The following STXBP5 variants were observed in gnomAD, a reference collection of about 807,000 sequenced individuals.
The protein encoded by STXBP5 is syntaxin binding protein 5.
A neutral mutation model predicts 152.4 loss-of-function variants in STXBP5; 50 were observed. The ratio of observed to expected loss-of-function variants is 0.33; its 90% confidence interval spans 0.26 to 0.42. The LOEUF (loss-of-function observed/expected upper bound fraction) is 0.42, where lower values mean the gene tolerates loss of function less well. STXBP5 is among the 10% of genes least tolerant of loss of function. The probability of loss-of-function intolerance (pLI) is 1.00; values close to 1 mark genes in which losing one functional copy is unlikely to be tolerated. For synonymous variants in STXBP5, 492 were observed against 494.7 expected (o/e 0.99, Z 0.07); for missense variants, 1,167 against 1,388.6 (o/e 0.84, Z 2.54).
intron 9 of STXBP5, among the ~76,000 whole-genome samples, chr6:147,309,120 CA>C (rs1342798701): frequency 6.6e-6 from 1 of 151,904 alleles, no homozygotes; most frequent in East Asian, 1.9e-4. Context: ...CACTTTTAAC[CA>C]TTAGATATTA....
intron 16 of STXBP5, among the ~76,000 whole-genome samples, chr6:147,319,873 G>A (rs140254339): frequency 5.5e-4 from 66 of 121,068 alleles, no homozygotes; most frequent in African/African-American, 2.0e-3. Context: ...ACAGGGTCTC[G>A]CTCTGTTGCC....
At chr6:147,261,726 A>C (rs887716375) in intron 5 of STXBP5, among the ~76,000 whole-genome samples, 8 of 152,006 alleles carry the variant, frequency 5.3e-5, no homozygotes, top group Non-Finnish European at 1.0e-4. Flanking sequence ...ATAGTTTCAC[A>C]GATGGCTCTC....
chr6:147,320,258 T>A lies in STXBP5; in HGVS notation c.1802+3851T>A, dbSNP rs139002341. On this transcript the variant is annotated intron_variant, in intron 16 of 27. Transcript: ENST00000321680. The stretch of plus-strand genomic sequence containing the variant: ...CACAAGAGCCAGGTAGGTTTCCTGG[T>A]ACTGACTGACCTGTATACAGAGATA... Among the ~76,000 whole-genome samples the A allele has an allele frequency of 2.6e-3, 391 of 152,278 alleles. 3 individuals are homozygous for A. The highest frequency in any genetic ancestry group is 8.8e-3 in the African/African-American group (365 of 41,560).
chr6:147,326,077 G>A (rs1582948027), intron 17 of STXBP5, among the ~76,000 whole-genome samples: 1 of 152,134 alleles, frequency 6.6e-6, no homozygotes, highest in Non-Finnish European at 1.5e-5. Flanking sequence ...TTTAGTATCT[G>A]TGGGGGTCCT....
chr6:147,335,347 C>T (rs1455503762), intron 19 of STXBP5, among the ~76,000 whole-genome samples: 1 of 152,090 alleles, frequency 6.6e-6, no homozygotes, highest in Non-Finnish European at 1.5e-5. Flanking sequence ...TTCTTACTTT[C>T]CTTCTAACTA....
chr6:147,379,119 A>C (rs1008753229), intron 26 of STXBP5, among the ~76,000 whole-genome samples: 2 of 149,906 alleles, frequency 1.3e-5, no homozygotes, highest in African/African-American at 4.9e-5. Context: ...AAAAAAAAAA[A>C]CTCTTTGCTT....
intron 18 of STXBP5, 104 bp from the exon 19 acceptor site, chr6:147,334,053 G>T (rs1303050446): frequency 9.2e-7 from 1 of 1,083,892 alleles, no homozygotes; most frequent in Non-Finnish European, 1.3e-6. Context: ...TAATTTATTG[G>T]GTTCTTTTAA....
intron 2 of STXBP5, among the ~76,000 whole-genome samples, chr6:147,230,781 G>A (rs745959343): frequency 6.6e-6 from 1 of 151,798 alleles, no homozygotes; most frequent in Non-Finnish European, 1.5e-5. Flanking sequence ...TACTAACTAG[G>A]TGAGTGGCCT....
intron 21 of STXBP5, 114 bp downstream of exon 21, chr6:147,339,498 A>T (rs1396242847): frequency 2.7e-6 from 2 of 750,496 alleles, no homozygotes; most frequent in East Asian, 3.3e-5. Context: ...TTCCTATGCT[A>T]AAAAAATAAT....
Position 147,353,309 on chromosome 6 carries a change from CTT to C in STXBP5, c.2255-11_2255-10del, listed in dbSNP as rs1240333708. 15 of 1,559,498 alleles carry C rather than the reference CTT, an allele frequency of 9.6e-6. No homozygotes were observed. Among genetic ancestry groups the C allele is most frequent in the Admixed American group, 1.8e-5 (1 of 55,356 alleles). ...ATATTCTTCAGAATTTTAAAAATGT[CTT>C]TTATTTTTCAGCAAAGATGTCAAGG... On this transcript the variant is annotated splice_polypyrimidine_tract_variant and intron_variant, in intron 21 of 27. Coordinates refer to ENST00000321680, the MANE Select transcript of STXBP5 (RefSeq NM_001127715.4).
intron 9 of STXBP5, among the ~76,000 whole-genome samples, chr6:147,306,753 G>A (rs1782115884): frequency 6.6e-6 from 1 of 152,138 alleles, no homozygotes; most frequent in African/African-American, 2.4e-5. Context: ...CACAAACCCA[G>A]TTCTTTGAAT....
chr6:147,287,462 A>C (rs1781039073), intron 8 of STXBP5, among the ~76,000 whole-genome samples: 1 of 152,056 alleles, frequency 6.6e-6, no homozygotes, highest in Non-Finnish European at 1.5e-5. Context: ...TCGGCCTCCC[A>C]AAGTGCTGGG....
chr6:147,347,064 G>A lies in STXBP5; in HGVS notation c.2255-6259G>A, dbSNP rs551537164. The stretch of plus-strand genomic sequence containing the variant: ...GCATGACTGGAATATTTGCTAGAGA[G>A]GAGGAACTGCTCCAAGAAGTTCTAG... On this transcript the variant is annotated intron_variant, in intron 21 of 27. Transcript: ENST00000321680. Among the ~76,000 whole-genome samples the A allele has an allele frequency of 9.9e-5, 15 of 152,262 alleles. No homozygotes were observed. The South Asian group carries it at 2.3e-3, about 23-fold the overall frequency.
chr6:147,294,728 T>C (rs1313612970), intron 9 of STXBP5, among the ~76,000 whole-genome samples: 1 of 152,178 alleles, frequency 6.6e-6, no homozygotes, highest in African/African-American at 2.4e-5. Flanking sequence ...CATTAGTGGG[T>C]TGTGAAAATA....
At chr6:147,336,678 G>A (rs1047091065) in intron 19 of STXBP5, among the ~76,000 whole-genome samples, 7 of 151,966 alleles carry the variant, frequency 4.6e-5, no homozygotes, top group Admixed American at 4.6e-4. Context: ...TATTAAAACC[G>A]ATATAGCTAA....
At chr6:147,268,473 T>C (rs1012265370) in intron 7 of STXBP5, among the ~76,000 whole-genome samples, 24 of 152,296 alleles carry the variant, frequency 1.6e-4, no homozygotes, top group African/African-American at 5.3e-4. Context: ...TATAGCAACA[T>C]TTGAATACTT....
At chr6:147,262,201 T>C in intron 5 of STXBP5, 89 bp from the exon 6 acceptor site, 3 of 770,686 alleles carry the variant, frequency 3.9e-6, no homozygotes, top group Non-Finnish European at 6.2e-6. Context: ...ATATAACTTA[T>C]TTTCTATTTA....
At chr6:147,339,686 C>T (rs1227305343) in intron 21 of STXBP5, among the ~76,000 whole-genome samples, 2 of 151,788 alleles carry the variant, frequency 1.3e-5, no homozygotes, top group South Asian at 2.1e-4. Flanking sequence ...TTTTATACTC[C>T]GAAGTTTTGA....
intron 18 of STXBP5, among the ~76,000 whole-genome samples, chr6:147,329,873 CG>C (rs1354013676): frequency 6.6e-6 from 1 of 151,902 alleles, no homozygotes; most frequent in Admixed American, 6.6e-5. Flanking sequence ...ATGATCCGCC[CG>C]CCTCGGCCTC....
Sources: gnomAD v4.1 joint callset for allele counts (sites outside exome capture counted in the v4.1 genomes callset) on GRCh38, gnomAD v4.1.1 for gene constraint, MANE v1.5 for transcripts, NCBI Gene and HGNC (gene_info 2026-07-23, HGNC 2026-07-21) for gene names.